Variants in SRPK1 observed in about 807,000 individuals in gnomAD.
SRPK1 encodes SRSF protein kinase 1, also known as SFRS protein kinase 1.
In SRPK1, 52 loss-of-function variants were observed where a neutral mutation model predicts 89.5. The ratio of observed to expected loss-of-function variants is 0.58; its 90% CI spans 0.46 to 0.73. The LOEUF (loss-of-function observed/expected upper bound fraction) is 0.73. Among genes scored for constraint, SRPK1 ranks in the 30% least tolerant of loss-of-function variants. The pLI is 0.00. For synonymous variants in SRPK1, 255 were observed against 270.2 expected, an observed-to-expected ratio of 0.94 and a Z score of 0.55; for missense variants, 603 against 780.6, an observed-to-expected ratio of 0.77 and a Z score of 2.71.
chr6:35,852,904 A>G (rs1581995502), intron 13 of SRPK1, among the ~76,000 whole-genome samples: 1 of 152,292 alleles, frequency 6.6e-6, no homozygotes, highest in Middle Eastern at 3.4e-3. Flanking sequence ...CTGACTGTAG[A>G]TTGAAAATAT....
intron 13 of SRPK1, among the ~76,000 whole-genome samples, chr6:35,848,085 G>A (rs1167687055): frequency 6.6e-6 from 1 of 152,272 alleles, no homozygotes; most frequent in Non-Finnish European, 1.5e-5. Flanking sequence ...ACAGGTATGA[G>A]CCACTGTGCC....
chr6:35,918,547 C>CA (rs995785374), intron 2 of SRPK1, among the ~76,000 whole-genome samples: 8 of 151,678 alleles, frequency 5.3e-5, no homozygotes, highest in Non-Finnish European at 1.2e-4. Flanking sequence ...AACAAACAAA[C>CA]AAAAAAAACT....
intron 2 of SRPK1, among the ~76,000 whole-genome samples, chr6:35,899,358 C>G (rs1770694610): frequency 1.3e-5 from 2 of 152,088 alleles, no homozygotes; most frequent in African/African-American, 4.8e-5. Context: ...CTTGACTTTC[C>G]TATATGAAAC....
chr6:35,908,646 G>C (rs954546367), intron 2 of SRPK1, among the ~76,000 whole-genome samples: 1 of 152,190 alleles, frequency 6.6e-6, no homozygotes, highest in African/African-American at 2.4e-5. Context: ...TAAAAGTTTG[G>C]GAAATGTGTA....
At chr6:35,895,874 G>A (rs1770617567) in intron 2 of SRPK1, among the ~76,000 whole-genome samples, 1 of 152,188 alleles carries the variant, frequency 6.6e-6, no homozygotes, top group African/African-American at 2.4e-5. Context: ...AAAGGCCCAA[G>A]AGGGTGAAGT....
At chr6:35,857,195 G>T in intron 13 of SRPK1, 66 bp downstream of exon 13, 1 of 1,183,930 alleles carries the variant, frequency 8.4e-7, no homozygotes, top group Non-Finnish European at 1.2e-6. Flanking sequence ...CTGGTTTACT[G>T]AAATTAGCAA....
chr6:35,910,695 C>G (rs1370617893), intron 2 of SRPK1, among the ~76,000 whole-genome samples: 2 of 152,152 alleles, frequency 1.3e-5, no homozygotes, highest in East Asian at 3.9e-4. Context: ...AAAGGACAGG[C>G]TGACTCTTGT....
intron 13 of SRPK1, among the ~76,000 whole-genome samples, chr6:35,854,152 T>C (rs1022787016): frequency 1.3e-5 from 2 of 152,146 alleles, no homozygotes; most frequent in African/African-American, 4.8e-5. Flanking sequence ...GGTTTCTCCA[T>C]GTTGGCTAGG....
chr6:35,890,088 G>A (rs376207665), intron 3 of SRPK1, among the ~76,000 whole-genome samples: 49 of 152,096 alleles, frequency 3.2e-4, no homozygotes, highest in South Asian at 2.3e-3. Context: ...CAGCCTGGGC[G>A]ACAGAGCGAG....
At chr6:35,894,217 A>G (rs573131718) in intron 2 of SRPK1, among the ~76,000 whole-genome samples, 11 of 152,258 alleles carry the variant, frequency 7.2e-5, no homozygotes, top group African/African-American at 2.4e-4. Flanking sequence ...CAGGAGAAAG[A>G]CCAAACTTAA....
chr6:35,864,346 GA>G (rs57546346), intron 12 of SRPK1, among the ~76,000 whole-genome samples: 47,527 of 146,976 alleles, frequency 0.32, 7,661 homozygotes, highest in South Asian at 0.43. Context: ...AACTCTATAG[GA>G]AAAAAAAAAA....
At chr6:35,915,675 T>C (rs1003660207) in intron 2 of SRPK1, among the ~76,000 whole-genome samples, 47 of 152,104 alleles carry the variant, frequency 3.1e-4, no homozygotes, top group Non-Finnish European at 8.8e-5. Context: ...CATTTTTGTC[T>C]TTAAAGGTAT....
intron 7 of SRPK1, among the ~76,000 whole-genome samples, chr6:35,873,399 C>T (rs913936830): frequency 7.2e-5 from 11 of 152,032 alleles, no homozygotes; most frequent in Admixed American, 2.6e-4. Context: ...AGGAGGCAAA[C>T]CTGGGGGAAA....
At chr6:35,856,085 G>C (rs1032029854) in intron 13 of SRPK1, among the ~76,000 whole-genome samples, 1 of 152,216 alleles carries the variant, frequency 6.6e-6, no homozygotes, top group Non-Finnish European at 1.5e-5. Flanking sequence ...ATGATCAGAA[G>C]ACTGGGGCTT....
chr6:35,880,719 CAAAAAAAAAAAAAAAG>C (rs1322300795), intron 6 of SRPK1, among the ~76,000 whole-genome samples: 5 of 4,106 alleles, frequency 1.2e-3, no homozygotes, highest in Admixed American at 2.2e-3. Context: ...GACTCCATCT[CAAAAAAAAAAAAAAAG>C]AAAAAAAAAA....
At chr6:35,901,649 C>T (rs936593489) in intron 2 of SRPK1, among the ~76,000 whole-genome samples, 8 of 152,164 alleles carry the variant, frequency 5.3e-5, no homozygotes, top group Non-Finnish European at 1.0e-4. Flanking sequence ...CTCTGTATCC[C>T]TTCTAGAGTT....
chr6:35,876,975 A>T (rs1582012033), intron 6 of SRPK1, among the ~76,000 whole-genome samples: 2 of 152,304 alleles, frequency 1.3e-5, no homozygotes, highest in South Asian at 4.1e-4. Flanking sequence ...GCAGAAAGAG[A>T]GAAATTTGGA....
chr6:35,893,960 G>A (rs1349716568), intron 2 of SRPK1, among the ~76,000 whole-genome samples: 3 of 151,856 alleles, frequency 2.0e-5, no homozygotes, highest in African/African-American at 7.3e-5. Context: ...GCAATGAGCC[G>A]AGATCATGCC....
At chr6:35,858,131 CA>C (rs1769703813) in intron 12 of SRPK1, among the ~76,000 whole-genome samples, 1 of 152,002 alleles carries the variant, frequency 6.6e-6, no homozygotes, top group African/African-American at 2.4e-5. Flanking sequence ...CAAATATATA[CA>C]AAAGTAGAAA....
Sources: allele counts gnomAD v4.1 joint callset (sites outside exome capture counted in the v4.1 genomes callset), GRCh38; gene constraint gnomAD v4.1.1; transcripts MANE v1.5; gene names NCBI Gene and HGNC (gene_info 2026-07-23, HGNC 2026-07-21).